Variants in ADAMTS6 observed in about 807,000 individuals in gnomAD.
ADAMTS6 encodes ADAM metallopeptidase with thrombospondin type 1 motif 6, also known as A disintegrin and metalloproteinase with thrombospondin motifs 6.
In ADAMTS6, 23 loss-of-function variants were observed where a neutral mutation model predicts 144.3. The ratio of observed to expected loss-of-function variants is 0.16; its 90% CI spans 0.11 to 0.23. The LOEUF (loss-of-function observed/expected upper bound fraction) is 0.23. ADAMTS6 is among the 10% of genes least tolerant of loss of function. The pLI, the probability that ADAMTS6 is intolerant of heterozygous loss-of-function variation, is 1.00. For synonymous variants in ADAMTS6, 444 were observed against 457.5 expected, an observed-to-expected ratio of 0.97 and a Z score of 0.38; for missense variants, 999 against 1,379.6, an observed-to-expected ratio of 0.72 and a Z score of 4.37.
At chr5:65,471,793 C>T (rs1256841863) in intron 2 of ADAMTS6, among the ~76,000 whole-genome samples, 2 of 151,584 alleles carry the variant, frequency 1.3e-5, no homozygotes, top group Non-Finnish European at 2.9e-5. Context: ...AAAACAAAAA[C>T]ACGTCAATGG....
At chr5:65,221,190 A>G (rs1278323190) in intron 18 of ADAMTS6, among the ~76,000 whole-genome samples, 1 of 152,202 alleles carries the variant, frequency 6.6e-6, no homozygotes, top group African/African-American at 2.4e-5. Flanking sequence ...CAAAGAAATC[A>G]CAAGAAAGAC....
At chr5:65,417,829 C>T (rs1003477831) in intron 7 of ADAMTS6, among the ~76,000 whole-genome samples, 1 of 152,080 alleles carries the variant, frequency 6.6e-6, no homozygotes, top group Non-Finnish European at 1.5e-5. Context: ...CAATGCTATT[C>T]CTATCAAACT....
chr5:65,258,250 CGA>C (rs1334511705), intron 14 of ADAMTS6, among the ~76,000 whole-genome samples: 1 of 151,852 alleles, frequency 6.6e-6, no homozygotes, highest in Non-Finnish European at 1.5e-5. Context: ...AAAGGTGAGG[CGA>C]GAGAGTTAAC....
chr5:65,316,843 C>G (rs1361699982), intron 9 of ADAMTS6, among the ~76,000 whole-genome samples: 1 of 151,920 alleles, frequency 6.6e-6, no homozygotes, highest in African/African-American at 2.4e-5. Context: ...GCTCTGTTGC[C>G]CAGGCTGGAG....
At position 65,215,372 on chromosome 5, in the gene ADAMTS6, T is replaced by C. The variant is rs772892003; in HGVS notation, c.2388A>G (p.Pro796=). The C allele has an allele frequency of 4.3e-6, 7 of 1,614,116 alleles. No individual in the cohort carries two copies. The highest frequency in any genetic ancestry group is 1.1e-5 in the South Asian group (1 of 91,068). ...AFHYKRPTDE[P]ESLEALGPTS... The stretch of plus-strand genomic sequence containing the variant: ...TAGGACCTAGAGCTTCCAAGGATTC[T>C]GGTTCATCAGTTGGTCTCTTGTAAT... The change falls in exon 19 of 25, where the codon CCA becomes CCG. Residue 796 remains proline (P), a synonymous_variant. Coordinates refer to ENST00000381055, the MANE Select transcript of ADAMTS6 (RefSeq NM_197941.4).
chr5:65,390,080 A>G (rs893683101), intron 7 of ADAMTS6, among the ~76,000 whole-genome samples: 1 of 152,184 alleles, frequency 6.6e-6, no homozygotes, highest in South Asian at 2.1e-4. Context: ...GAAATAAGTC[A>G]TTGAAAAAAA....
At position 65,256,985 on chromosome 5, in the gene ADAMTS6, CTTTTTTTTTT is replaced by C. The variant is rs545846781; in HGVS notation, c.1830+3605_1830+3614del. 4.5e-5 allele frequency among the ~76,000 whole-genome samples: 4 copies of C among 88,678 alleles called. No individual in the cohort carries two copies. In the East Asian group the frequency reaches 1.3e-3, roughly 29 times the overall value. 58.2% of individuals were successfully genotyped at this position (88,678 alleles called of 152,430 possible). A position where few individuals can be genotyped will look rare whatever the true frequency, so the allele number is the denominator to read the frequency against. ...TTTCTCTCTCTCTCTCTCTCTCTCT[CTTTTTTTTTT>C]TTTTTTTTTTTTTTGCTTAAGACAA... is the stretch of plus-strand genomic sequence containing the variant. On this transcript the variant is annotated intron_variant, in intron 14 of 24. Transcript: ENST00000381055.
chr5:65,293,783 AG>A (rs756162666), intron 10 of ADAMTS6, among the ~76,000 whole-genome samples: 1 of 152,140 alleles, frequency 6.6e-6, no homozygotes, highest in Non-Finnish European at 1.5e-5. Flanking sequence ...AACTCTTCTA[AG>A]AAAGTTTATC....
chr5:65,308,651 T>C (rs115845169), intron 9 of ADAMTS6, among the ~76,000 whole-genome samples: 205 of 152,326 alleles, frequency 1.3e-3, no homozygotes, highest in Non-Finnish European at 1.7e-3. Flanking sequence ...TCTCCCTGGA[T>C]GGCCCTACCT....
In ADAMTS6 at chr5:65,214,533, G is replaced by A; in HGVS notation, c.2575+261C>T. On this transcript the variant is annotated intron_variant, in intron 20 of 24. Coordinates refer to ENST00000381055, the MANE Select transcript of ADAMTS6 (RefSeq NM_197941.4). This position sits in a 1 kb window ranked among gnomAD's most constrained non-coding sequence, Gnocchi z 4.6. ...CGAAAGGCAAACAGCCCACCTTCAA[G>A]ATAGTCTTGGGAGAAGCACCAGCAG... 1.9e-6 allele frequency: 1 copy of A among 523,568 alleles called. No individual in the cohort carries two copies. The allele number at this position is 523,568 out of a possible 1,614,324, so 32.4% of individuals were successfully genotyped here.
chr5:65,351,718 G>A (rs1043462902), intron 7 of ADAMTS6, among the ~76,000 whole-genome samples: 8 of 151,958 alleles, frequency 5.3e-5, no homozygotes, highest in Non-Finnish European at 1.0e-4. Context: ...GGAATTTGAA[G>A]CCCCTGTGTG....
chr5:65,429,260 G>C (rs769661307), intron 7 of ADAMTS6, among the ~76,000 whole-genome samples: 4 of 152,298 alleles, frequency 2.6e-5, no homozygotes, highest in Non-Finnish European at 5.9e-5. Flanking sequence ...GCCTTGCTGA[G>C]TTCCCCCCAG....
chr5:65,366,807 C>T (rs1181208426), intron 7 of ADAMTS6, among the ~76,000 whole-genome samples: 1 of 152,174 alleles, frequency 6.6e-6, no homozygotes, highest in African/African-American at 2.4e-5. Flanking sequence ...CACCCCCTGC[C>T]ATGTTCAGTA....
chr5:65,386,107 T>C (rs1348837258), intron 7 of ADAMTS6, among the ~76,000 whole-genome samples: 1 of 152,212 alleles, frequency 6.6e-6, no homozygotes, highest in Non-Finnish European at 1.5e-5. Context: ...TTATGAGTCC[T>C]CCACAAAGAA....
chr5:65,268,120 G>A (rs1761765674), intron 12 of ADAMTS6, among the ~76,000 whole-genome samples: 1 of 152,160 alleles, frequency 6.6e-6, no homozygotes, highest in African/African-American at 2.4e-5. Context: ...TATATATCCA[G>A]TGCTTTAGAA....
At chr5:65,209,999 G>A in intron 20 of ADAMTS6, 1 of 194,910 alleles carries the variant, frequency 5.1e-6, no homozygotes, top group Non-Finnish European at 1.1e-5. Flanking sequence ...TTGTCAGATT[G>A]CTTATGCCCA....
intron 4 of ADAMTS6, among the ~76,000 whole-genome samples, chr5:65,458,912 A>G (rs1020608497): frequency 1.3e-5 from 2 of 152,196 alleles, no homozygotes; most frequent in Non-Finnish European, 2.9e-5. Context: ...TTGGGTAACT[A>G]GTATGTGCTA....
At chr5:65,299,560 G>A (rs1336073132) in intron 10 of ADAMTS6, among the ~76,000 whole-genome samples, 2 of 151,886 alleles carry the variant, frequency 1.3e-5, no homozygotes, top group Non-Finnish European at 2.9e-5. Flanking sequence ...CATTTCCTTG[G>A]TGTTTGGTTT....
intron 14 of ADAMTS6, among the ~76,000 whole-genome samples, chr5:65,258,369 G>A (rs1384989265): frequency 6.6e-6 from 1 of 152,188 alleles, no homozygotes; most frequent in Admixed American, 6.5e-5. Flanking sequence ...GACCTATGTT[G>A]CTGGAGCAGA....
Sources: allele counts gnomAD v4.1 joint callset (sites outside exome capture counted in the v4.1 genomes callset), GRCh38; gene constraint gnomAD v4.1.1; non-coding constraint Gnocchi (gnomAD v3.1); transcripts MANE v1.5; gene names NCBI Gene and HGNC (gene_info 2026-07-23, HGNC 2026-07-21).